The following PPP2R5A variants were observed in gnomAD, a reference collection of about 807,000 sequenced individuals.
PPP2R5A encodes protein phosphatase 2 regulatory subunit B'alpha.
Under a neutral mutation model 64.2 loss-of-function variants are expected in PPP2R5A, and 25 were observed. The observed-to-expected ratio is 0.39, with a 90% CI of 0.28 to 0.54. PPP2R5A has a LOEUF of 0.54. Ranked by LOEUF, PPP2R5A falls within the 20% of genes least tolerant of loss-of-function variation. PPP2R5A has a pLI of 0.67. For synonymous variants in PPP2R5A, 198 were observed against 201.2 expected (o/e 0.98, Z 0.13); for missense variants, 425 against 576.3 (o/e 0.74, Z 2.69).
At chr1:212,301,821 T>C (rs1022562686) in intron 1 of PPP2R5A, 18 of 1,221,310 alleles carry the variant, frequency 1.5e-5, no homozygotes, top group Non-Finnish European at 1.2e-5. Context: ...ACAGTGCTTG[T>C]TCTATAATTT....
chr1:212,347,986 G>A (rs1213352094), intron 6 of PPP2R5A, among the ~76,000 whole-genome samples: 6 of 152,152 alleles, frequency 3.9e-5, no homozygotes, highest in African/African-American at 1.2e-4. Context: ...GAAAATGATT[G>A]TGGAGAGAAC....
chr1:212,343,143 G>A (rs562478646), intron 4 of PPP2R5A, among the ~76,000 whole-genome samples: 3 of 152,030 alleles, frequency 2.0e-5, no homozygotes, highest in Admixed American at 2.0e-4. Flanking sequence ...AGTAGAGACG[G>A]GGTTTCACCA....
At chr1:212,286,412 C>A in intron 1 of PPP2R5A, 121 bp downstream of exon 1, 3 of 1,118,164 alleles carry the variant, frequency 2.7e-6, no homozygotes, top group South Asian at 2.0e-5. Context: ...AGTGTGTGAG[C>A]CGAGTTCCCC....
chr1:212,357,804 A>AAAAAAC (rs1660006611), intron 11 of PPP2R5A: 1 of 68,086 alleles, frequency 1.5e-5, no homozygotes, highest in Non-Finnish European at 3.9e-5. Flanking sequence ...TTCCGTCTCC[A>AAAAAAC]AAAAAAAAAA....
intron 1 of PPP2R5A, among the ~76,000 whole-genome samples, chr1:212,320,376 TC>T: frequency 6.6e-6 from 1 of 152,138 alleles, no homozygotes; most frequent in South Asian, 2.1e-4. Context: ...CCATCCGATT[TC>T]TCAATCTTTT....
intron 1 of PPP2R5A, among the ~76,000 whole-genome samples, chr1:212,289,384 T>C (rs141747015): frequency 4.6e-5 from 7 of 152,300 alleles, no homozygotes; most frequent in Non-Finnish European, 8.8e-5. Flanking sequence ...TCCCTGAACT[T>C]TTTGCAAGGT....
At chr1:212,353,333 C>A (rs1008017752) in intron 8 of PPP2R5A, among the ~76,000 whole-genome samples, 4 of 152,188 alleles carry the variant, frequency 2.6e-5, no homozygotes, top group African/African-American at 9.7e-5. Context: ...AAGTGACATT[C>A]TTTCACTTTT....
chr1:212,320,214 C>T (rs372229987), intron 1 of PPP2R5A, among the ~76,000 whole-genome samples: 1 of 152,074 alleles, frequency 6.6e-6, no homozygotes, highest in Non-Finnish European at 1.5e-5. Flanking sequence ...TTAATCCATT[C>T]AACCCTGAGT....
rs59766947 is a variant in PPP2R5A at position 212,322,755 on chromosome 1, TTTTATTTATTTATTTA to T, written c.182-6356_182-6341del. On this transcript the variant is annotated intron_variant, in intron 1 of 12. Transcript: ENST00000261461. ...CTTTCTTGCATTTAATTAATTCTCA[TTTTATTTATTTATTTA>T]TTTATTTATTTATTTATTTATTTCA... is the stretch of plus-strand genomic sequence containing the variant. Among the ~76,000 whole-genome samples the T allele has an allele frequency of 2.7e-3, 402 of 147,100 alleles. 1 individual carries two copies. Among genetic ancestry groups the T allele is most frequent in the African/African-American group, 9.0e-3 (361 of 40,228 alleles).
intron 1 of PPP2R5A, among the ~76,000 whole-genome samples, chr1:212,319,782 G>T (rs1281255266): frequency 6.6e-6 from 1 of 151,048 alleles, no homozygotes; most frequent in African/African-American, 2.4e-5. Context: ...CACTACACCC[G>T]GCTAATTTTT....
In PPP2R5A at chr1:212,286,020, C is replaced by T. The variant is rs2102407441; in HGVS notation, c.-91C>T. 4 of 1,332,192 alleles carry T rather than the reference C, an allele frequency of 3.0e-6. No individual in the cohort carries two copies. The highest frequency in any genetic ancestry group is 3.9e-6 in the Non-Finnish European group (4 of 1,030,470). The allele number at this position is 1,332,192 out of a possible 1,614,324, so 82.5% of individuals were successfully genotyped here. The stretch of plus-strand genomic sequence containing the variant: ...CCGGGGCGCAGGGGCGCGAGCACCC[C>T]GCGCCTCTCCCCCGCCTCCTCCTGC... On this transcript the variant is annotated 5_prime_UTR_variant, in exon 1 of 13. Coordinates refer to ENST00000261461, the MANE Select transcript of PPP2R5A (RefSeq NM_006243.4).
intron 1 of PPP2R5A, among the ~76,000 whole-genome samples, chr1:212,315,748 T>C (rs574671056): frequency 6.6e-6 from 1 of 152,326 alleles, no homozygotes; most frequent in South Asian, 2.1e-4. Context: ...TTCCCAGATA[T>C]TGTGTGTTTT....
At chr1:212,334,437 G>C (rs1188792768) in intron 3 of PPP2R5A, among the ~76,000 whole-genome samples, 1 of 152,076 alleles carries the variant, frequency 6.6e-6, no homozygotes, top group Non-Finnish European at 1.5e-5. Context: ...TGCAACTACA[G>C]ATGTGTGACA....
chr1:212,361,022 A>G lies in PPP2R5A; in HGVS notation c.*252A>G, dbSNP rs1283482941. ...AGTTTCACAGAAATGAATGAATTTT[A>G]TCATCTATGATATGAGTGAGATAAT... On this transcript the variant is annotated 3_prime_UTR_variant, in exon 13 of 13. Transcript: ENST00000261461. The G allele has an allele frequency of 3.7e-6, 1 of 269,954 alleles. No homozygotes were observed. The highest frequency in any genetic ancestry group is 6.9e-6 in the Non-Finnish European group (1 of 144,268). The allele number at this position is 269,954 out of a possible 1,614,324, so 16.7% of individuals were successfully genotyped here.
intron 2 of PPP2R5A, among the ~76,000 whole-genome samples, chr1:212,332,454 G>A (rs1659520175): frequency 6.6e-6 from 1 of 152,116 alleles, no homozygotes; most frequent in African/African-American, 2.4e-5. Flanking sequence ...TCTATCCTTT[G>A]CTAGAGAAAA....
Position 212,357,014 on chromosome 1 carries a change from T to C in PPP2R5A, c.1043T>C (p.Ile348Thr), listed in dbSNP as rs1257756350. 1.2e-6 allele frequency: 2 copies of C among 1,611,622 alleles called. No homozygotes were observed. The highest frequency in any genetic ancestry group is 1.3e-5 in the African/African-American group (1 of 74,866). The part of the protein sequence containing the change: ...DVIEPTQFKK[I>T]EEPLFKQISK... ...ATTGAACCAACACAGTTCAAAAAAA[T>C]TGAAGAGCCACTTTTCAAGCAGATA... The change falls in exon 10 of 13, where the codon ATT (isoleucine) becomes ACT (threonine). Residue 348 changes from isoleucine to threonine, a missense_variant. This residue lies in a region of PPP2R5A where 177 missense variants were observed against 244.8 expected (regional missense o/e 0.72). Transcript: ENST00000261461.
At chr1:212,314,744 G>C (rs1659113147) in intron 1 of PPP2R5A, among the ~76,000 whole-genome samples, 1 of 151,432 alleles carries the variant, frequency 6.6e-6, no homozygotes, top group African/African-American at 2.4e-5. Flanking sequence ...TTGTATTTTA[G>C]TAGAGATGAG....
At chr1:212,321,217 CG>C (rs1341819151) in intron 1 of PPP2R5A, among the ~76,000 whole-genome samples, 1 of 144,666 alleles carries the variant, frequency 6.9e-6, no homozygotes, top group Non-Finnish European at 1.5e-5. Context: ...CCTTCCCAGA[CG>C]GGGCGGCTGG....
At chr1:212,321,781 G>A (rs1313829358) in intron 1 of PPP2R5A, among the ~76,000 whole-genome samples, 2 of 151,808 alleles carry the variant, frequency 1.3e-5, no homozygotes, top group Non-Finnish European at 2.9e-5. Flanking sequence ...CTTCCCAGAC[G>A]GGGTGGCCGC....
Sources: allele counts gnomAD v4.1 joint callset (sites outside exome capture counted in the v4.1 genomes callset), GRCh38; gene constraint gnomAD v4.1.1; regional missense constraint gnomAD v4.1.1; transcripts MANE v1.5; gene names NCBI Gene and HGNC (gene_info 2026-07-23, HGNC 2026-07-21).